SIPA1L2: variants seen among roughly 807,000 people sequenced by gnomAD.
The protein encoded by SIPA1L2 is signal induced proliferation associated 1 like 2.
SIPA1L2 carries 56 observed loss-of-function variants against 163.9 expected under a neutral mutation model. That is an observed-to-expected ratio of 0.34 (90% CI 0.28 to 0.43). The LOEUF (loss-of-function observed/expected upper bound fraction) is 0.43, where lower values mean the gene tolerates loss of function less well. SIPA1L2 is among the 20% of genes least tolerant of loss of function. SIPA1L2 has a pLI of 1.00. For synonymous variants in SIPA1L2, 877 were observed against 865.7 expected (o/e 1.01, Z -0.23); for missense variants, 1,974 against 2,193.5 (o/e 0.90, Z 2.00).
chr1:232,605,023 T>G (rs1661821793), intron 1 of SIPA1L2, among the ~76,000 whole-genome samples: 1 of 152,164 alleles, frequency 6.6e-6, no homozygotes. Flanking sequence ...ATGCAAGAAC[T>G]GACTTAATAT....
intron 14 of SIPA1L2, among the ~76,000 whole-genome samples, chr1:232,440,170 G>C (rs1662805572): frequency 6.6e-6 from 1 of 152,166 alleles, no homozygotes; most frequent in Non-Finnish European, 1.5e-5. Context: ...TTTTGGTTGG[G>C]GTGGGGAGTC....
intron 1 of SIPA1L2, among the ~76,000 whole-genome samples, 66 bp from the exon 2 acceptor site, chr1:232,574,288 T>G (rs1200395592): frequency 6.6e-6 from 1 of 152,170 alleles, no homozygotes; most frequent in East Asian, 1.9e-4. Context: ...TTTCAACATG[T>G]GGTCTGAGGA....
chr1:232,605,864 C>G (rs1452438286), intron 1 of SIPA1L2, among the ~76,000 whole-genome samples: 1 of 152,174 alleles, frequency 6.6e-6, no homozygotes, highest in Non-Finnish European at 1.5e-5. Context: ...ACTTCTTACA[C>G]ACATCACACA....
chr1:232,433,867 T>G (rs1305323672), intron 15 of SIPA1L2, among the ~76,000 whole-genome samples: 2 of 152,192 alleles, frequency 1.3e-5, no homozygotes, highest in African/African-American at 4.8e-5. Flanking sequence ...ATCAGCTCTG[T>G]CCATTACCAC....
chr1:232,621,736 ATT>A (rs56266753), intron 1 of SIPA1L2, among the ~76,000 whole-genome samples: 22 of 146,278 alleles, frequency 1.5e-4, no homozygotes, highest in East Asian at 4.0e-4. Context: ...CATTTAAAAC[ATT>A]TTTTTTTTTT....
intron 1 of SIPA1L2, among the ~76,000 whole-genome samples, chr1:232,620,792 T>C (rs951546784): frequency 7.2e-5 from 11 of 152,248 alleles, no homozygotes; most frequent in African/African-American, 2.7e-4. Context: ...CAGCTAAGCA[T>C]TTCAGTGAAT....
intron 16 of SIPA1L2, 98 bp downstream of exon 16, chr1:232,432,149 T>C (rs943623035): frequency 1.3e-5 from 13 of 982,300 alleles, no homozygotes; most frequent in Non-Finnish European, 1.9e-5. Context: ...GATTATTCTT[T>C]TTTAGAAAAT....
At chr1:232,488,525 T>C (rs1665762687) in intron 5 of SIPA1L2, among the ~76,000 whole-genome samples, 1 of 152,178 alleles carries the variant, frequency 6.6e-6, no homozygotes, top group African/African-American at 2.4e-5. Flanking sequence ...TCTGATACCA[T>C]TAAGAGTTTT....
intron 2 of SIPA1L2, among the ~76,000 whole-genome samples, chr1:232,565,673 A>T (rs1430864200): frequency 4.6e-5 from 7 of 152,248 alleles, no homozygotes. Flanking sequence ...AGGAAAATCA[A>T]TACAGAAAAT....
At chr1:232,441,427 A>C (rs1220529405) in intron 13 of SIPA1L2, 33 bp from the exon 14 acceptor site, 1 of 1,522,718 alleles carries the variant, frequency 6.6e-7, no homozygotes, top group Non-Finnish European at 9.0e-7. Flanking sequence ...TTGAATTTCC[A>C]ATTTCCAGTA....
At chr1:232,627,308 T>G (rs1477189263) in intron 1 of SIPA1L2, among the ~76,000 whole-genome samples, 1 of 152,206 alleles carries the variant, frequency 6.6e-6, no homozygotes, top group Non-Finnish European at 1.5e-5. Context: ...CTAGTTTCGA[T>G]GCCCAAACAC....
chr1:232,536,240 G>A (rs958476726), intron 2 of SIPA1L2, among the ~76,000 whole-genome samples: 2 of 152,176 alleles, frequency 1.3e-5, no homozygotes, highest in African/African-American at 4.8e-5. Context: ...CCTCTCTCCC[G>A]AAATCCTTCA....
At chr1:232,425,846 T>TA (rs771715962) in intron 17 of SIPA1L2, 38 bp from the exon 18 acceptor site, 14 of 1,570,960 alleles carry the variant, frequency 8.9e-6, no homozygotes, top group South Asian at 3.4e-5. Flanking sequence ...GAACAGACAT[T>TA]AAAAAAACGA....
At chr1:232,506,156 T>C (rs1477315164) in intron 3 of SIPA1L2, among the ~76,000 whole-genome samples, 1 of 152,184 alleles carries the variant, frequency 6.6e-6, no homozygotes, top group Non-Finnish European at 1.5e-5. Flanking sequence ...TCTCTCTTCA[T>C]CTTTGAACCA....
At chr1:232,609,639 G>A (rs940490798) in intron 1 of SIPA1L2, among the ~76,000 whole-genome samples, 1 of 151,994 alleles carries the variant, frequency 6.6e-6, no homozygotes, top group Non-Finnish European at 1.5e-5. Context: ...GACCAGCCTG[G>A]CCAACATAGT....
chr1:232,474,521 T>C (rs1289267384), intron 7 of SIPA1L2, among the ~76,000 whole-genome samples: 1 of 152,156 alleles, frequency 6.6e-6, no homozygotes, highest in African/African-American at 2.4e-5. Context: ...TACAGTAAGA[T>C]AGAAGGAGTA....
In SIPA1L2 at chr1:232,503,448, T is replaced by C. The variant is rs190592471; in HGVS notation, c.1484-9788A>G. 1.4e-4 allele frequency among the ~76,000 whole-genome samples: 22 copies of C among 152,326 alleles called. No individual in the cohort carries two copies. The East Asian group carries it at 3.9e-3, about 27-fold the overall frequency. ...GTTTAAGTGGTAACTCACTAATGAATTGACCAGTTAAGGATCACAACTCTG... is the reference window on the plus strand; with the variant it reads ...GTTTAAGTGGTAACTCACTAATGAACTGACCAGTTAAGGATCACAACTCTG... On this transcript the variant is annotated intron_variant, in intron 3 of 22. Coordinates refer to ENST00000674635, the MANE Select transcript of SIPA1L2 (RefSeq NM_020808.5).
chr1:232,608,062 A>AAAAAAAAAAAAAAAAAAC (rs1662048795), intron 1 of SIPA1L2, among the ~76,000 whole-genome samples: 1 of 150,676 alleles, frequency 6.6e-6, no homozygotes. Flanking sequence ...AAAAAAAAAA[A>AAAAAAAAAAAAAAAAAAC]AAAAAAACGA....
intron 1 of SIPA1L2, among the ~76,000 whole-genome samples, chr1:232,622,477 G>A (rs1662865711): frequency 6.6e-6 from 1 of 152,242 alleles, no homozygotes; most frequent in African/African-American, 2.4e-5. Flanking sequence ...TTTCTGTTCA[G>A]TAAGCTTGAT....
Sources: allele counts gnomAD v4.1 joint callset (sites outside exome capture counted in the v4.1 genomes callset), GRCh38; gene constraint gnomAD v4.1.1; transcripts MANE v1.5; gene names NCBI Gene and HGNC (gene_info 2026-07-23, HGNC 2026-07-21).